Variants in ADAMTS9 observed in about 807,000 individuals in gnomAD.
ADAMTS9 encodes the protein A disintegrin and metalloproteinase with thrombospondin motifs 9.
A neutral mutation model predicts 257.1 loss-of-function variants in ADAMTS9; 107 were observed. The observed-to-expected ratio is 0.42, with a 90% CI of 0.36 to 0.49. The LOEUF is 0.49. Ranked by LOEUF, ADAMTS9 falls within the 20% of genes least tolerant of loss-of-function variation. The pLI is 0.03. For missense variants in ADAMTS9, 2,353 were observed against 2,469.1 expected (o/e 0.95, Z 1.00); for synonymous variants, 982 against 880.9 (o/e 1.11, Z -2.03).
intron 11 of ADAMTS9, among the ~76,000 whole-genome samples, chr3:64,643,682 C>T (rs1700716905): frequency 6.6e-6 from 1 of 151,814 alleles, no homozygotes; most frequent in African/African-American, 2.4e-5. Flanking sequence ...CCAGGCTAAT[C>T]TCAAACTCCT....
chr3:64,552,805 C>T (rs1220630276), intron 30 of ADAMTS9, among the ~76,000 whole-genome samples: 3 of 152,168 alleles, frequency 2.0e-5, no homozygotes, highest in African/African-American at 7.2e-5. Flanking sequence ...GATCCTCCTG[C>T]CTTGGCCTCC....
chr3:64,628,143 G>A (rs373288654), intron 16 of ADAMTS9, among the ~76,000 whole-genome samples: 14 of 152,236 alleles, frequency 9.2e-5, no homozygotes, highest in South Asian at 2.1e-4. Flanking sequence ...ATTCTATTCC[G>A]TTAAAGTGTC....
At chr3:64,639,086 C>A (rs1368406859) in intron 12 of ADAMTS9, among the ~76,000 whole-genome samples, 1 of 152,012 alleles carries the variant, frequency 6.6e-6, no homozygotes, top group Non-Finnish European at 1.5e-5. Context: ...GTGAATTTCT[C>A]TGAACAAGCT....
intron 12 of ADAMTS9, among the ~76,000 whole-genome samples, chr3:64,637,041 C>G (rs974420242): frequency 5.9e-5 from 9 of 152,128 alleles, no homozygotes; most frequent in Middle Eastern, 3.2e-3. Context: ...CTTTCCATAT[C>G]AAAAGTTGGT....
At chr3:64,613,930 T>A (rs1052184619) in intron 21 of ADAMTS9, among the ~76,000 whole-genome samples, 1 of 152,180 alleles carries the variant, frequency 6.6e-6, no homozygotes. Context: ...TTGTGAAAAC[T>A]AAATGAAACA....
chr3:64,633,702 A>G lies in ADAMTS9; in HGVS notation c.2034T>C (p.Ser678=). The change falls in exon 13 of 40, where the codon AGT becomes AGC. Residue 678 remains serine, a synonymous_variant. Transcript: ENST00000498707. ...AGATACACCAGACACACTTACTTCC[A>G]CTGTATTTAGGGACCCAGCGCACAT... The part of the protein sequence containing the change: ...LPNVRWVPKY[S]GILMKDRCKL... The G allele has an allele frequency of 4.3e-6, 7 of 1,613,262 alleles. No homozygotes were observed. The highest frequency in any genetic ancestry group is 5.9e-6 in the Non-Finnish European group (7 of 1,179,892).
intron 12 of ADAMTS9, among the ~76,000 whole-genome samples, chr3:64,637,165 C>T (rs9311904): frequency 0.52 from 79,253 of 152,024 alleles, 21,860 homozygotes; most frequent in African/African-American, 0.71. Flanking sequence ...TCCTCTCTCC[C>T]AGATTGCTGC....
chr3:64,536,100 C>T (rs892912738), intron 37 of ADAMTS9, among the ~76,000 whole-genome samples: 17 of 152,292 alleles, frequency 1.1e-4, no homozygotes, highest in South Asian at 8.3e-4. Flanking sequence ...CCGACCTGGG[C>T]GTCCAGTGTC....
At chr3:64,549,501 T>G (rs969918344) in intron 31 of ADAMTS9, among the ~76,000 whole-genome samples, 2 of 152,176 alleles carry the variant, frequency 1.3e-5, no homozygotes, top group African/African-American at 4.8e-5. Flanking sequence ...GGATTCCACA[T>G]GTTCCTGGCT....
At chr3:64,565,975 T>C (rs1559767126) in intron 29 of ADAMTS9, among the ~76,000 whole-genome samples, 1 of 152,234 alleles carries the variant, frequency 6.6e-6, no homozygotes. Flanking sequence ...AAGATTAGCA[T>C]GGCTATTGTA....
chr3:64,565,087 T>A (rs1279779465), intron 29 of ADAMTS9, among the ~76,000 whole-genome samples: 1 of 152,144 alleles, frequency 6.6e-6, no homozygotes, highest in East Asian at 1.9e-4. Context: ...ATGCTTCAAA[T>A]ACAAACAAAA....
At chr3:64,617,751 G>A (rs1227028804) in intron 19 of ADAMTS9, among the ~76,000 whole-genome samples, 1 of 152,124 alleles carries the variant, frequency 6.6e-6, no homozygotes, top group Admixed American at 6.6e-5. Context: ...CCTTCAAAAT[G>A]TTGATCAGCA....
rs1327453907 is a variant in ADAMTS9, at chr3:64,621,144, G to A, written c.2783C>T (p.Thr928Ile). 6.2e-7 allele frequency: 1 copy of A among 1,613,870 alleles called. No homozygotes were observed. The highest frequency in any genetic ancestry group is 8.5e-7 in the Non-Finnish European group (1 of 1,179,860). The change falls in exon 19 of 40, where the codon ACT (threonine) becomes ATT (isoleucine). Residue 928 changes from threonine to isoleucine, a missense_variant. By Grantham distance (89) the Thr-to-Ile change is moderately conservative. This residue lies in a region of ADAMTS9 where 1,402 missense variants were observed against 1,441.4 expected (regional missense o/e 0.97). Coordinates refer to ENST00000498707, the MANE Select transcript of ADAMTS9 (RefSeq NM_182920.2). Reference protein sequence around the residue: ...CDRLPQPGHITEPCGTDCDLR... With the variant: ...CDRLPQPGHIIEPCGTDCDLR... The stretch of plus-strand genomic sequence containing the variant: ...GTCACAGTCTGTACCACAGGGTTCA[G>A]TAATGTGTCCAGGCTGGGGCAGCCG...
chr3:64,557,949 C>T (rs1356636549), intron 30 of ADAMTS9, among the ~76,000 whole-genome samples: 1 of 152,174 alleles, frequency 6.6e-6, no homozygotes. Flanking sequence ...TTCCCCTGAA[C>T]AACCAATGGG....
chr3:64,642,447 G>A lies in ADAMTS9; in HGVS notation c.1711-454C>T, dbSNP rs75077000. On this transcript the variant is annotated intron_variant, in intron 11 of 39. Transcript: ENST00000498707. ...AATTTTAATTATATTGGAGAGGGGG[G>A]AAAAAAAAAGCGAGTTACATGATTC... Among the ~76,000 whole-genome samples the A allele has an allele frequency of 7.1e-3, 841 of 118,012 alleles. 9 individuals are homozygous for A. Among genetic ancestry groups the A allele is most frequent in the African/African-American group, 0.032 (757 of 23,414 alleles). 77.4% of individuals were successfully genotyped at this position (118,012 alleles called of 152,430 possible).
At chr3:64,552,647 G>C (rs2083284758) in intron 30 of ADAMTS9, among the ~76,000 whole-genome samples, 1 of 148,582 alleles carries the variant, frequency 6.7e-6, no homozygotes, top group Non-Finnish European at 1.5e-5. Context: ...ATCACAGTTT[G>C]CTATAGCCTC....
intron 19 of ADAMTS9, among the ~76,000 whole-genome samples, 197 bp downstream of exon 19, chr3:64,620,917 G>A (rs1196407599): frequency 6.6e-6 from 1 of 152,084 alleles, no homozygotes; most frequent in African/African-American, 2.4e-5. Context: ...TTAATTCTTA[G>A]GTGAACAAGA....
chr3:64,539,509 G>A (rs533506204), intron 36 of ADAMTS9, among the ~76,000 whole-genome samples: 69 of 152,236 alleles, frequency 4.5e-4, no homozygotes, highest in South Asian at 4.4e-3. Context: ...TTCATTCCCC[G>A]AGCTTCATCA....
At chr3:64,543,988 A>G (rs2083163381) in intron 32 of ADAMTS9, among the ~76,000 whole-genome samples, 1 of 152,260 alleles carries the variant, frequency 6.6e-6, no homozygotes, top group Admixed American at 6.5e-5. Context: ...ACAAACAGCC[A>G]AATCATGAGT....
Sources: allele counts gnomAD v4.1 joint callset (sites outside exome capture counted in the v4.1 genomes callset), GRCh38; gene constraint gnomAD v4.1.1; regional missense constraint gnomAD v4.1.1; transcripts MANE v1.5; gene names NCBI Gene and HGNC (gene_info 2026-07-23, HGNC 2026-07-21).